EFNB1: variants seen among roughly 807,000 people sequenced by gnomAD.
EFNB1 encodes the protein ephrin-B1.
In EFNB1, 1 loss-of-function variant was observed where a neutral mutation model predicts 18.1. The ratio of observed to expected loss-of-function variants is 0.06; its 90% CI spans 0.02 to 0.26. The LOEUF (loss-of-function observed/expected upper bound fraction) is 0.26, where lower values mean the gene tolerates loss of function less well. EFNB1 is among the 10% of genes least tolerant of loss of function. The pLI is 1.00. For missense variants in EFNB1, 221 were observed against 301.8 expected, an observed-to-expected ratio of 0.73 and a Z score of 1.98; for synonymous variants, 131 against 127.5, an observed-to-expected ratio of 1.03 and a Z score of -0.19.
At chrX:68,832,992 C>T in intron 1 of EFNB1, among the ~76,000 whole-genome samples, 1 of 110,829 alleles carries the variant, frequency 9.0e-6, no homozygotes, top group East Asian at 2.9e-4. Context: ...GTCCTGACCC[C>T]TTCCTGCCCC....
At chrX:68,831,595 T>G (rs1187534969) in intron 1 of EFNB1, among the ~76,000 whole-genome samples, 1 of 110,916 alleles carries the variant, frequency 9.0e-6, no homozygotes, top group Non-Finnish European at 1.9e-5. Context: ...TGTTCTGTCT[T>G]GAGCCAGGAG....
chrX:68,840,050 G>A lies in EFNB1; in HGVS notation c.590G>A (p.Gly197Asp). 3.3e-6 allele frequency: 4 copies of A among 1,212,137 alleles called. No homozygotes were observed. ...NTVKMATQAP[G>D]SRGSLGDSDG... ...GTCAAGATGGCCACACAGGCCCCTG[G>A]TAGTCGGGGCTCCCTGGGTGACTCT... Residue 197 changes from glycine (G) to aspartate (D), a missense_variant, in exon 4 of 5, where the codon GGT (glycine) becomes GAT (aspartate). Transcript: ENST00000204961.
chrX:68,840,788 T>A lies in EFNB1; in HGVS notation c.*134T>A. On this transcript the variant is annotated 3_prime_UTR_variant, in exon 5 of 5. Coordinates refer to ENST00000204961, the MANE Select transcript of EFNB1 (RefSeq NM_004429.5). ...TTTTGTAGTTTCTTGGCTTTTATAATCCCCCTTTTTCCCTGCCCCCTGGGC... is the reference window on the plus strand; with the variant it reads ...TTTTGTAGTTTCTTGGCTTTTATAAACCCCCTTTTTCCCTGCCCCCTGGGC... 1.4e-6 allele frequency: 1 copy of A among 729,297 alleles called. No individual in the cohort carries two copies. The highest frequency in any genetic ancestry group is 2.5e-5 in the South Asian group (1 of 39,780). The allele number at this position is 729,297 out of a possible 1,213,427, so 60.1% of individuals were successfully genotyped here.
At chrX:68,837,942 T>C (rs2080464688) in intron 1 of EFNB1, among the ~76,000 whole-genome samples, 1 of 112,428 alleles carries the variant, frequency 8.9e-6, no homozygotes, top group Non-Finnish European at 1.9e-5. Flanking sequence ...GAGCTGCACC[T>C]GGCCAGAGAC....
intron 3 of EFNB1, 101 bp downstream of exon 3, chrX:68,839,857 G>C: frequency 7.6e-6 from 9 of 1,184,695 alleles, no homozygotes; most frequent in Non-Finnish European, 1.0e-5. Flanking sequence ...GGGAGCAGGC[G>C]TAGGGTTACA....
intron 1 of EFNB1, among the ~76,000 whole-genome samples, chrX:68,838,217 A>C (rs2080467209): frequency 9.4e-6 from 1 of 106,544 alleles, no homozygotes; most frequent in Non-Finnish European, 1.9e-5. Context: ...GAGAGGTAGT[A>C]GCAGCGGTCA....
intron 1 of EFNB1, among the ~76,000 whole-genome samples, chrX:68,832,811 CGTGTGT>C (rs3085479): frequency 3.1e-4 from 30 of 97,371 alleles, no homozygotes; most frequent in Admixed American, 5.5e-4. Flanking sequence ...TCTGTGTGTG[CGTGTGT>C]GTGTGTGTGT....
At chrX:68,837,056 A>G (rs755957679) in intron 1 of EFNB1, among the ~76,000 whole-genome samples, 2 of 111,130 alleles carry the variant, frequency 1.8e-5, no homozygotes, top group African/African-American at 3.3e-5. Context: ...CAGATGAGCT[A>G]TCTCTTTCTT....
chrX:68,840,172 C>T, intron 4 of EFNB1, 70 bp from the exon 5 acceptor site: 1 of 1,209,570 alleles, frequency 8.3e-7, no homozygotes, highest in Non-Finnish European at 1.1e-6. Context: ...GCAAGCTGGG[C>T]CTGGCCTGAA....
intron 1 of EFNB1, among the ~76,000 whole-genome samples, chrX:68,834,520 G>A (rs916388327): frequency 8.8e-6 from 1 of 113,179 alleles, no homozygotes; most frequent in African/African-American, 3.2e-5. Context: ...ACGCCTGGGC[G>A]GGCACTGCTG....
In EFNB1 at chrX:68,839,498, T is replaced by C. The variant is rs185690184; in HGVS notation, c.407-166T>C. 3.5e-4 allele frequency among the ~76,000 whole-genome samples: 39 copies of C among 112,481 alleles called. 2 individuals are homozygous for C. Among genetic ancestry groups the C allele is most frequent in the African/African-American group, 1.2e-3 (36 of 31,020 alleles). ...CTGGACTAGGCCATTTTGTTCCTAG[T>C]GGGAGGGAAGAAAATGAAAAGGTTC... On this transcript the variant is annotated intron_variant, in intron 2 of 4. Coordinates refer to ENST00000204961, the MANE Select transcript of EFNB1 (RefSeq NM_004429.5).
chrX:68,835,158 C>T (rs1026193351), intron 1 of EFNB1, among the ~76,000 whole-genome samples: 7 of 111,041 alleles, frequency 6.3e-5, no homozygotes, highest in South Asian at 3.8e-4. Flanking sequence ...TAGCTTAGGC[C>T]GCCTCCCCCA....
chrX:68,835,988 G>A (rs1380231673), intron 1 of EFNB1, among the ~76,000 whole-genome samples: 1 of 111,676 alleles, frequency 9.0e-6, no homozygotes, highest in Non-Finnish European at 1.9e-5. Flanking sequence ...AGCTGAGCTG[G>A]CCTGTCTCCC....
intron 1 of EFNB1, among the ~76,000 whole-genome samples, chrX:68,831,504 C>CGTTGTGAAGTGCTCAGTG (rs55978455): frequency 1.8e-5 from 2 of 109,577 alleles, no homozygotes; most frequent in African/African-American, 3.4e-5. Context: ...CAGGGGGGAA[C>CGTTGTGAAGTGCTCAGTG]GTTGTGAAGT....
intron 2 of EFNB1, among the ~76,000 whole-genome samples, chrX:68,839,115 G>A (rs1163456030): frequency 8.9e-6 from 1 of 112,322 alleles, no homozygotes; most frequent in Non-Finnish European, 1.9e-5. Flanking sequence ...GGTTGGGCAG[G>A]AGAGGTCTCC....
chrX:68,839,405 G>A (rs1311974010), intron 2 of EFNB1, among the ~76,000 whole-genome samples: 1 of 112,325 alleles, frequency 8.9e-6, no homozygotes, highest in Admixed American at 9.4e-5. Context: ...AGACCTTACC[G>A]AGGGGCCATG....
At chrX:68,839,791 CCT>C in intron 3 of EFNB1, 35 bp downstream of exon 3, 2 of 1,186,809 alleles carry the variant, frequency 1.7e-6, no homozygotes, top group Non-Finnish European at 2.3e-6. Flanking sequence ...CTCACCCCAC[CCT>C]GTTTGACCTT....
intron 1 of EFNB1, among the ~76,000 whole-genome samples, chrX:68,835,616 A>G (rs1006202706): frequency 9.0e-6 from 1 of 111,392 alleles, no homozygotes; most frequent in African/African-American, 3.3e-5. Flanking sequence ...TAAGGTTACC[A>G]GTATGGGGGA....
rs1159525156 is a variant in EFNB1 at position 68,840,680 on chromosome X, G to A, written c.*26G>A. 1.4e-5 allele frequency: 17 copies of A among 1,194,833 alleles called. No individual in the cohort carries two copies. Among genetic ancestry groups the A allele is most frequent in the African/African-American group, 5.2e-5 (3 of 57,477 alleles). On this transcript the variant is annotated 3_prime_UTR_variant, in exon 5 of 5. Coordinates refer to ENST00000204961, the MANE Select transcript of EFNB1 (RefSeq NM_004429.5). ...GTGCCCGGCACGGCCTCAGGCCCCCGAGGGACAGTCGGCCTGGACCGGACC... is the reference window on the plus strand; with the variant it reads ...GTGCCCGGCACGGCCTCAGGCCCCCAAGGGACAGTCGGCCTGGACCGGACC...
Sources: gnomAD v4.1 joint callset for allele counts (sites outside exome capture counted in the v4.1 genomes callset) on GRCh38, gnomAD v4.1.1 for gene constraint, MANE v1.5 for transcripts, NCBI Gene and HGNC (gene_info 2026-07-23, HGNC 2026-07-21) for gene names.